Variants in PARG observed in about 807,000 individuals in gnomAD.
PARG encodes the protein poly(ADP-ribose) glycohydrolase, also known as mitochondrial poly(ADP-ribose) glycohydrolase.
A neutral mutation model predicts 113.0 loss-of-function variants in PARG; 35 were observed. The ratio of observed to expected loss-of-function variants is 0.31; its 90% CI spans 0.24 to 0.41. The LOEUF is 0.41. Among genes scored for constraint, PARG ranks in the 10% least tolerant of loss-of-function variants. PARG has a pLI of 1.00. For missense variants in PARG, 797 were observed against 1,169.4 expected, an observed-to-expected ratio of 0.68 and a Z score of 4.64; for synonymous variants, 330 against 409.9, an observed-to-expected ratio of 0.81 and a Z score of 2.36.
intron 7 of PARG, among the ~76,000 whole-genome samples, chr10:49,887,344 T>A (rs1206912480): frequency 2.0e-5 from 3 of 152,126 alleles, no homozygotes; most frequent in Admixed American, 6.5e-5. Flanking sequence ...CAGTACAATG[T>A]GTATCATTCT....
chr10:49,889,959 C>T (rs1554841172), intron 7 of PARG, among the ~76,000 whole-genome samples: 1 of 152,176 alleles, frequency 6.6e-6, no homozygotes. Context: ...TCTAAAATAT[C>T]ACCATGACCT....
chr10:49,941,056 C>T (rs1723495368), intron 1 of PARG, among the ~76,000 whole-genome samples: 1 of 152,142 alleles, frequency 6.6e-6, no homozygotes, highest in African/African-American at 2.4e-5. Context: ...AGGCAGAGGC[C>T]AAGTTTCTCT....
chr10:49,843,392 T>C (rs879961355), intron 14 of PARG, among the ~76,000 whole-genome samples, 162 bp downstream of exon 14: 12 of 152,224 alleles, frequency 7.9e-5, no homozygotes, highest in Non-Finnish European at 8.8e-5. Flanking sequence ...AAGATGGTAA[T>C]AGTGTTTTCA....
chr10:49,897,164 C>T (rs1273169026), intron 7 of PARG, among the ~76,000 whole-genome samples: 1 of 152,180 alleles, frequency 6.6e-6, no homozygotes, highest in Non-Finnish European at 1.5e-5. Context: ...TTGTACCATA[C>T]TGACTTCATT....
intron 6 of PARG, among the ~76,000 whole-genome samples, chr10:49,919,458 A>G (rs1554848582): frequency 6.6e-6 from 1 of 152,228 alleles, no homozygotes; most frequent in Non-Finnish European, 1.5e-5. Context: ...TAGTACTATT[A>G]ATAGAAAAAA....
At chr10:49,847,333 A>AACT (rs1845560264) in intron 13 of PARG, among the ~76,000 whole-genome samples, 1 of 151,850 alleles carries the variant, frequency 6.6e-6, no homozygotes, top group Admixed American at 6.6e-5. Flanking sequence ...ATAACCTGAC[A>AACT]GTGGAGGAAC....
At chr10:49,893,757 G>C (rs1374081704) in intron 7 of PARG, among the ~76,000 whole-genome samples, 1 of 151,258 alleles carries the variant, frequency 6.6e-6, no homozygotes, top group African/African-American at 2.4e-5. Context: ...GCAGTGGCGC[G>C]ATCTTGGCTC....
At chr10:49,939,753 A>G (rs1373513258) in intron 1 of PARG, among the ~76,000 whole-genome samples, 5 of 152,182 alleles carry the variant, frequency 3.3e-5, no homozygotes, top group Non-Finnish European at 5.9e-5. Context: ...CTCTGCATGT[A>G]TAATTCTTTC....
At chr10:49,937,911 T>G (rs1255736164) in intron 1 of PARG, among the ~76,000 whole-genome samples, 3 of 152,250 alleles carry the variant, frequency 2.0e-5, no homozygotes, top group Non-Finnish European at 4.4e-5. Flanking sequence ...ATATCACTGT[T>G]TCTGGCTTCC....
At position 49,819,229 on chromosome 10, in the gene PARG, T is replaced by G; in HGVS notation, c.*111A>C. On this transcript the variant is annotated 3_prime_UTR_variant, in exon 18 of 18. Transcript: ENST00000616448. Reference sequence around the variant, plus strand: ...GAGATTGCGTCCTTGACTACAAATGTGGATTATGTACACATTTATATTAAC... The same window carrying G: ...GAGATTGCGTCCTTGACTACAAATGGGGATTATGTACACATTTATATTAAC... 1.2e-6 allele frequency: 1 copy of G among 857,670 alleles called. No homozygotes were observed. 53.1% of individuals were successfully genotyped at this position (857,670 alleles called of 1,614,324 possible).
At position 49,922,428 on chromosome 10, in the gene PARG, A is replaced by C; in HGVS notation, c.1579-9T>G. 1 of 1,609,270 alleles carries C rather than the reference A, an allele frequency of 6.2e-7. No homozygotes were observed. Among genetic ancestry groups the C allele is most frequent in the Non-Finnish European group, 8.5e-7 (1 of 1,178,438 alleles). ...GCAGTTCGCTCACCATTCTTTTGGA[A>C]AAAAGAAAAACATATGAGGAAGCTA... On this transcript the variant is annotated splice_polypyrimidine_tract_variant and intron_variant, in intron 5 of 17. Coordinates refer to ENST00000616448, the MANE Select transcript of PARG (RefSeq NM_003631.5).
chr10:49,933,190 C>T lies in PARG; in HGVS notation c.1258G>A (p.Ala420Thr). 6.3e-7 allele frequency: 1 copy of T among 1,578,566 alleles called. No homozygotes were observed. The highest frequency in any genetic ancestry group is 8.6e-7 in the Non-Finnish European group (1 of 1,157,798). Reference protein sequence around the residue: ...ITDHFMRLPKAEDRRKEQWET... With the variant: ...ITDHFMRLPKTEDRRKEQWET... ...AGAGAAAATTACCTTCTGTCCTCTG[C>T]TTTGGGCAGTCTCATGAAATGATCT... Residue 420 changes from alanine (A) to threonine (T), a missense_variant, in exon 3 of 18, where the codon GCA becomes ACA. Ala to Thr is a moderately conservative substitution (Grantham distance 58). Around this residue, in one of 5 missense-constraint regions of PARG, gnomAD observed 252 missense variants for 437.4 expected, o/e 0.58. Transcript: ENST00000616448.
rs1349630934 is a variant in PARG at position 49,846,866 on chromosome 10, G to A, written c.2354-3234C>T. On this transcript the variant is annotated intron_variant, in intron 13 of 17. Coordinates refer to ENST00000616448, the MANE Select transcript of PARG (RefSeq NM_003631.5). ...AGAAATGGCTGATTCCAGAGCTGGT[G>A]CAGGGAATATACAAGATGAGCCTAC... is the stretch of plus-strand genomic sequence containing the variant. Among the ~76,000 whole-genome samples the A allele has an allele frequency of 2.6e-5, 4 of 151,998 alleles. No individual in the cohort carries two copies. In the East Asian group the frequency reaches 7.7e-4, roughly 29 times the overall value.
chr10:49,868,871 G>A (rs537567834), intron 10 of PARG, among the ~76,000 whole-genome samples: 2 of 151,730 alleles, frequency 1.3e-5, no homozygotes, highest in Admixed American at 6.6e-5. Flanking sequence ...CTTGACCATG[G>A]TCATTCAGCT....
intron 13 of PARG, among the ~76,000 whole-genome samples, chr10:49,850,600 AG>A (rs1845718077): frequency 6.6e-6 from 1 of 152,244 alleles, no homozygotes; most frequent in Non-Finnish European, 1.5e-5. Context: ...GCCTAGCGGT[AG>A]ACAAGCCTCG....
At chr10:49,832,757 T>C (rs552868869) in intron 16 of PARG, 46 bp downstream of exon 16, 2 of 1,148,602 alleles carry the variant, frequency 1.7e-6, no homozygotes, top group African/African-American at 3.1e-5. Context: ...GGACTAACTT[T>C]TTTTGTGTGG....
chr10:49,837,915 A>G (rs1202131933), intron 15 of PARG, among the ~76,000 whole-genome samples: 1 of 152,206 alleles, frequency 6.6e-6, no homozygotes, highest in Non-Finnish European at 1.5e-5. Flanking sequence ...AATTTCCTTG[A>G]AAAACTATAT....
chr10:49,891,966 T>C (rs1554841662), intron 7 of PARG, among the ~76,000 whole-genome samples: 1 of 151,842 alleles, frequency 6.6e-6, no homozygotes, highest in Non-Finnish European at 1.5e-5. Flanking sequence ...CCCCATTTTA[T>C]TTTTGTATAT....
chr10:49,828,060 T>C (rs1588864718), intron 16 of PARG, among the ~76,000 whole-genome samples: 1 of 113,412 alleles, frequency 8.8e-6, no homozygotes, highest in African/African-American at 3.6e-5. Context: ...CACGCAAAAA[T>C]CTCTGCTGAG....
Sources: allele counts gnomAD v4.1 joint callset (sites outside exome capture counted in the v4.1 genomes callset), GRCh38; gene constraint gnomAD v4.1.1; regional missense constraint gnomAD v4.1.1; transcripts MANE v1.5; gene names NCBI Gene and HGNC (gene_info 2026-07-23, HGNC 2026-07-21).